ZYG11B: variants seen among roughly 807,000 people sequenced by gnomAD.
The protein encoded by ZYG11B is protein zyg-11 homolog B.
Under a neutral mutation model 82.4 loss-of-function variants are expected in ZYG11B, and 36 were observed. The ratio of observed to expected loss-of-function variants is 0.44; its 90% CI spans 0.33 to 0.58. ZYG11B has a LOEUF of 0.58. Ranked by LOEUF, ZYG11B falls within the 20% of genes least tolerant of loss-of-function variation. The probability of loss-of-function intolerance (pLI) is 0.02; values close to 1 mark genes in which losing one functional copy is unlikely to be tolerated. For synonymous variants in ZYG11B, 303 were observed against 312.8 expected, an observed-to-expected ratio of 0.97 and a Z score of 0.33; for missense variants, 552 against 895.6, an observed-to-expected ratio of 0.62 and a Z score of 4.90.
rs759768488 is a variant in ZYG11B at position 52,779,967 on chromosome 1, GA to G, written c.1072del (p.Thr358GlnfsTer6). The G allele has an allele frequency of 6.2e-7, 1 of 1,613,142 alleles. No individual in the cohort carries two copies. Among genetic ancestry groups the G allele is most frequent in the Non-Finnish European group, 8.5e-7 (1 of 1,179,758 alleles). ...FHLFSLTHVM[E>X]KTKPEILKLV... is the part of the protein sequence containing the mutation. ...TCTTTTTAGTCTGACTCATGTGATGGAAAAAACAAAGCCAGAAATTTTAAAG... is the reference window on the plus strand; with the variant it reads ...TCTTTTTAGTCTGACTCATGTGATGGAAAAACAAAGCCAGAAATTTTAAAG... On this transcript the variant is annotated frameshift_variant, in exon 4 of 14. Coordinates refer to ENST00000294353, the MANE Select transcript of ZYG11B (RefSeq NM_024646.3). LOFTEE classifies it high-confidence loss of function.
intron 6 of ZYG11B, among the ~76,000 whole-genome samples, chr1:52,794,876 T>C (rs1240305077): frequency 6.6e-6 from 1 of 152,196 alleles, no homozygotes; most frequent in Non-Finnish European, 1.5e-5. Context: ...TGGAGTAGAC[T>C]AAAAGTGATT....
chr1:52,802,460 C>G (rs537563888), intron 10 of ZYG11B, among the ~76,000 whole-genome samples: 1 of 151,406 alleles, frequency 6.6e-6, no homozygotes, highest in East Asian at 2.0e-4. Flanking sequence ...AAGCAGTTCC[C>G]CCAACTCAGT....
intron 8 of ZYG11B, among the ~76,000 whole-genome samples, 186 bp from the exon 9 acceptor site, chr1:52,801,633 T>A (rs1275606995): frequency 1.3e-5 from 2 of 152,262 alleles, no homozygotes; most frequent in Non-Finnish European, 2.9e-5. Context: ...TATAGAAGTA[T>A]TTATGAAAAT....
At chr1:52,820,492 C>CA (rs1277416175) in intron 13 of ZYG11B, among the ~76,000 whole-genome samples, 1 of 150,988 alleles carries the variant, frequency 6.6e-6, no homozygotes, top group African/African-American at 2.4e-5. Context: ...ACCAAAAATA[C>CA]AAAAATTTAG....
At chr1:52,804,871 C>A (rs1645128345) in intron 10 of ZYG11B, among the ~76,000 whole-genome samples, 1 of 151,880 alleles carries the variant, frequency 6.6e-6, no homozygotes, top group South Asian at 2.1e-4. Context: ...ACAGGCAGAT[C>A]ACCTGAGGTC....
chr1:52,746,691 T>TTTG (rs1558119469), intron 1 of ZYG11B, among the ~76,000 whole-genome samples: 1 of 109,530 alleles, frequency 9.1e-6, no homozygotes, highest in African/African-American at 3.5e-5. Context: ...GCCACTGTTT[T>TTTG]TTTTTTTTTT....
chr1:52,729,739 C>T (rs543585555), intron 1 of ZYG11B, among the ~76,000 whole-genome samples: 3 of 152,210 alleles, frequency 2.0e-5, no homozygotes, highest in Middle Eastern at 3.4e-3. Flanking sequence ...ACTCGGGAGG[C>T]TGAGGTAGGA....
intron 2 of ZYG11B, among the ~76,000 whole-genome samples, chr1:52,767,737 G>A (rs1314443032): frequency 6.6e-6 from 1 of 152,150 alleles, no homozygotes; most frequent in East Asian, 1.9e-4. Flanking sequence ...AGGGGTATGG[G>A]TATGTCATTT....
intron 1 of ZYG11B, among the ~76,000 whole-genome samples, chr1:52,730,768 C>T (rs881198): frequency 0.59 from 89,805 of 151,236 alleles, 27,780 homozygotes; most frequent in East Asian, 0.97. Flanking sequence ...TCACTTGAGC[C>T]CAGCAGTTCA....
In ZYG11B at chr1:52,801,825, C is replaced by A; in HGVS notation, c.1492C>A (p.Leu498Ile). ...CTGTTTTTTTTTTTTTCAGCAACTTCTTCAAATAGTGAAGCAGAAAACCAA... is the reference window on the plus strand; with the variant it reads ...CTGTTTTTTTTTTTTTCAGCAACTTATTCAAATAGTGAAGCAGAAAACCAA... ...GTELFIVRQL[L>I]QIVKQKTNQN... Residue 498 changes from leucine to isoleucine, a missense_variant, in exon 9 of 14, where the codon CTT (leucine) becomes ATT (isoleucine). By Grantham distance (5) the Leu-to-Ile change is conservative. Transcript: ENST00000294353. 1.3e-6 allele frequency: 2 copies of A among 1,549,220 alleles called. No individual in the cohort carries two copies. Among genetic ancestry groups the A allele is most frequent in the Non-Finnish European group, 1.7e-6 (2 of 1,148,406 alleles).
At chr1:52,774,708 G>A (rs539229972) in intron 3 of ZYG11B, among the ~76,000 whole-genome samples, 1 of 146,738 alleles carries the variant, frequency 6.8e-6, no homozygotes, top group South Asian at 2.2e-4. Context: ...GATTATAGGT[G>A]TAAGCCCCTG....
chr1:52,762,314 C>T (rs972487012), intron 2 of ZYG11B, among the ~76,000 whole-genome samples: 6 of 150,230 alleles, frequency 4.0e-5, no homozygotes, highest in African/African-American at 1.5e-4. Flanking sequence ...CTCAAGCAAT[C>T]CTCCTGCTTC....
intron 1 of ZYG11B, among the ~76,000 whole-genome samples, chr1:52,734,110 G>C (rs1241781636): frequency 6.6e-6 from 1 of 151,988 alleles, no homozygotes; most frequent in Non-Finnish European, 1.5e-5. Context: ...ATGATCTCTT[G>C]CTTCATCCTC....
chr1:52,726,866 G>C (rs888128156), intron 1 of ZYG11B, among the ~76,000 whole-genome samples, 183 bp downstream of exon 1: 2 of 151,430 alleles, frequency 1.3e-5, no homozygotes, highest in African/African-American at 4.9e-5. Context: ...CACCTGCTTC[G>C]GTGAACCCCT....
intron 1 of ZYG11B, among the ~76,000 whole-genome samples, chr1:52,745,304 A>C (rs934217608): frequency 6.6e-6 from 1 of 152,194 alleles, no homozygotes; most frequent in Non-Finnish European, 1.5e-5. Context: ...GGTTGTGGGA[A>C]GGAAGGGTAG....
intron 4 of ZYG11B, among the ~76,000 whole-genome samples, chr1:52,784,443 A>G (rs939190610): frequency 2.6e-5 from 4 of 152,222 alleles, no homozygotes; most frequent in African/African-American, 9.6e-5. Context: ...GGAAAAAGTG[A>G]GAAATAGTTG....
At chr1:52,752,939 C>CTG (rs1187691413) in intron 1 of ZYG11B, among the ~76,000 whole-genome samples, 2 of 152,054 alleles carry the variant, frequency 1.3e-5, no homozygotes, top group Non-Finnish European at 2.9e-5. Flanking sequence ...CCTCTGCCTC[C>CTG]TGTGTTCAAG....
intron 13 of ZYG11B, among the ~76,000 whole-genome samples, chr1:52,817,815 A>ATATGTAT (rs1558145357): frequency 3.6e-5 from 1 of 27,664 alleles, no homozygotes; most frequent in Non-Finnish European, 6.3e-5. Context: ...ATATATATAT[A>ATATGTAT]TTTTTTTTTT....
intron 8 of ZYG11B, among the ~76,000 whole-genome samples, chr1:52,800,018 G>A (rs1374139959): frequency 1.3e-5 from 2 of 151,988 alleles, no homozygotes; most frequent in Non-Finnish European, 1.5e-5. Context: ...GCTCATGCTT[G>A]TAATCCCAGA....
Sources: allele counts gnomAD v4.1 joint callset (sites outside exome capture counted in the v4.1 genomes callset), GRCh38; gene constraint gnomAD v4.1.1; transcripts MANE v1.5; gene names NCBI Gene and HGNC (gene_info 2026-07-23, HGNC 2026-07-21).